The following SLC25A18 variants were observed in gnomAD, a reference collection of about 807,000 sequenced individuals.
SLC25A18 encodes solute carrier family 25 member 18.
A neutral mutation model predicts 31.1 loss-of-function variants in SLC25A18; 24 were observed. That is an observed-to-expected ratio of 0.77 (90% CI 0.56 to 1.08). The LOEUF is 1.08. Ranked by LOEUF, SLC25A18 falls within the 50% of genes least tolerant of loss-of-function variation. The pLI is 0.00. For synonymous variants in SLC25A18, 173 were observed against 161.9 expected (o/e 1.07, Z -0.52); for missense variants, 371 against 418.5 (o/e 0.89, Z 0.99).
At chr22:17,565,069 T>TTTTTG (rs535176571) in intron 1 of SLC25A18, among the ~76,000 whole-genome samples, 137 of 151,834 alleles carry the variant, frequency 9.0e-4, no homozygotes, top group East Asian at 8.6e-3. Flanking sequence ...ACTCATTCTG[T>TTTTTG]TTTTGTTTTG....
At chr22:17,583,075 A>G (rs574563897) in intron 6 of SLC25A18, among the ~76,000 whole-genome samples, 81 of 152,272 alleles carry the variant, frequency 5.3e-4, no homozygotes, top group African/African-American at 1.8e-3. Context: ...ACCTCGTCTC[A>G]GGAAAAACAA....
At chr22:17,584,414 A>AGAAT in intron 7 of SLC25A18, among the ~76,000 whole-genome samples, 1 of 134,708 alleles carries the variant, frequency 7.4e-6, no homozygotes. Flanking sequence ...AAAGAAAGAA[A>AGAAT]GAAAGAAAGA....
intron 2 of SLC25A18, among the ~76,000 whole-genome samples, chr22:17,575,681 C>A (rs1304628807): frequency 6.6e-6 from 1 of 152,198 alleles, no homozygotes; most frequent in Non-Finnish European, 1.5e-5. Context: ...GTGCAACTAA[C>A]CCGGAATAGC....
Position 17,581,152 on chromosome 22 carries a change from A to G in SLC25A18, c.136A>G (p.Lys46Glu), listed in dbSNP as rs2057361255. 6.3e-7 allele frequency: 1 copy of G among 1,597,330 alleles called. No homozygotes were observed. The highest frequency in any genetic ancestry group is 1.3e-5 in the African/African-American group (1 of 74,656). ...GAACCAGCATGGGAAAGCCATGTAC[A>G]AAGGAATGTAGGTGCTGGCAGGCGA... ...LQNQHGKAMY[K>E]GMIDCLMKTA... The change falls in exon 4 of 11, where the codon AAA (lysine) becomes GAA (glutamate). Residue 46 changes from lysine (K) to glutamate (E), a missense_variant. By Grantham distance (56) the Lys-to-Glu change is moderately conservative. Coordinates refer to ENST00000327451, the MANE Select transcript of SLC25A18 (RefSeq NM_031481.3).
intron 6 of SLC25A18, among the ~76,000 whole-genome samples, chr22:17,583,016 A>G (rs1258144135): frequency 6.6e-6 from 1 of 152,064 alleles, no homozygotes; most frequent in Non-Finnish European, 1.5e-5. Flanking sequence ...TCGAGGTTGC[A>G]GTGAGCCATG....
chr22:17,563,891 G>T (rs1311543077), intron 1 of SLC25A18, among the ~76,000 whole-genome samples, 178 bp downstream of exon 1: 1 of 152,208 alleles, frequency 6.6e-6, no homozygotes, highest in Non-Finnish European at 1.5e-5. Flanking sequence ...GCTTAGCTGA[G>T]ATAGCAGATG....
At chr22:17,587,823 C>T in intron 8 of SLC25A18, 102 bp from the exon 9 acceptor site, 1 of 1,461,732 alleles carries the variant, frequency 6.8e-7, no homozygotes, top group Non-Finnish European at 9.4e-7. Flanking sequence ...CGTGGCTCCT[C>T]TCACTGTAAG....
chr22:17,585,857 T>C lies in SLC25A18; in HGVS notation c.410-1279T>C, dbSNP rs557511968. ...TAGTAGAGACAAGGTTTCTCCATGT[T>C]GGTCAGGCTGGTCTTGAACTCCCGA... On this transcript the variant is annotated intron_variant, in intron 7 of 10. Coordinates refer to ENST00000327451, the MANE Select transcript of SLC25A18 (RefSeq NM_031481.3). Among the ~76,000 whole-genome samples the C allele has an allele frequency of 9.9e-5, 15 of 152,118 alleles. No individual in the cohort carries two copies. The East Asian group carries it at 2.9e-3, about 30-fold the overall frequency.
intron 2 of SLC25A18, among the ~76,000 whole-genome samples, chr22:17,573,721 C>T (rs1227021558): frequency 6.6e-6 from 1 of 152,166 alleles, no homozygotes; most frequent in Non-Finnish European, 1.5e-5. Flanking sequence ...AGAGCTGAGA[C>T]AGCTCCATGG....
chr22:17,589,752 A>G, intron 10 of SLC25A18, 87 bp downstream of exon 10: 2 of 1,252,834 alleles, frequency 1.6e-6, no homozygotes, highest in Non-Finnish European at 2.3e-6. Flanking sequence ...GACCAACTTG[A>G]ATTGCTGGGC....
intron 2 of SLC25A18, among the ~76,000 whole-genome samples, chr22:17,572,545 G>C (rs1267369340): frequency 3.3e-5 from 5 of 151,524 alleles, no homozygotes; most frequent in Non-Finnish European, 7.4e-5. Flanking sequence ...TGTAATCCCA[G>C]CACTTTGAGT....
chr22:17,589,625 C>T lies in SLC25A18; in HGVS notation c.766C>T (p.Leu256=), dbSNP rs1163645141. 6.2e-7 allele frequency: 1 copy of T among 1,613,998 alleles called. No individual in the cohort carries two copies. Among genetic ancestry groups the T allele is most frequent in the African/African-American group, 1.3e-5 (1 of 74,904 alleles). The change falls in exon 10 of 11, where the codon CTG becomes TTG. Residue 256 remains leucine, a synonymous_variant. Coordinates refer to ENST00000327451, the MANE Select transcript of SLC25A18 (RefSeq NM_031481.3). The part of the protein sequence containing the change: ...KTRIQTLKKG[L]GEDMYSGITD... ...TCGAATCCAAACCCTCAAGAAAGGCCTGGGCGAGGACATGTACAGTGGGAT... is the reference window on the plus strand; with the variant it reads ...TCGAATCCAAACCCTCAAGAAAGGCTTGGGCGAGGACATGTACAGTGGGAT...
intron 2 of SLC25A18, among the ~76,000 whole-genome samples, chr22:17,576,710 C>T (rs1394748727): frequency 6.6e-6 from 1 of 152,118 alleles, no homozygotes; most frequent in Non-Finnish European, 1.5e-5. Flanking sequence ...CATAGGCCTG[C>T]GAAAGGGAAC....
At chr22:17,566,340 A>G (rs1262265644) in intron 1 of SLC25A18, among the ~76,000 whole-genome samples, 2 of 151,616 alleles carry the variant, frequency 1.3e-5, no homozygotes, top group South Asian at 2.1e-4. Flanking sequence ...GGCGTGTTTA[A>G]TCACCCACCA....
chr22:17,571,668 C>T (rs1018175418), intron 2 of SLC25A18, among the ~76,000 whole-genome samples: 2 of 150,634 alleles, frequency 1.3e-5, no homozygotes, highest in Admixed American at 1.3e-4. Flanking sequence ...TGAGGCAGAA[C>T]TGTTTGAACC....
At chr22:17,570,123 G>C in intron 2 of SLC25A18, 137 bp downstream of exon 2, 1 of 577,254 alleles carries the variant, frequency 1.7e-6, no homozygotes, top group Non-Finnish European at 2.2e-6. Context: ...AGAGTCAGAA[G>C]GGGTGGGCAC....
At chr22:17,582,363 G>A (rs1162158973) in intron 5 of SLC25A18, 200 bp from the exon 6 acceptor site, 8 of 457,720 alleles carry the variant, frequency 1.7e-5, no homozygotes, top group South Asian at 3.4e-5. Context: ...GCGACAGAGC[G>A]AGACTCCATC....
At chr22:17,577,603 T>A (rs1487762116) in intron 2 of SLC25A18, among the ~76,000 whole-genome samples, 2 of 136,338 alleles carry the variant, frequency 1.5e-5, no homozygotes, top group Non-Finnish European at 3.1e-5. Context: ...TTTTTTGAGA[T>A]GGAGGCTCGC....
chr22:17,590,277 TCTAG>T lies in SLC25A18; in HGVS notation c.*44_*47del. ...AAGTCCCTGCGCTTGCCGCCCTCTC[TCTAG>T]CTGTTTCACTTAGCCTAGAGGGGGC... On this transcript the variant is annotated 3_prime_UTR_variant, in exon 11 of 11. Coordinates refer to ENST00000327451, the MANE Select transcript of SLC25A18 (RefSeq NM_031481.3). 6.2e-7 allele frequency: 1 copy of T among 1,612,846 alleles called. No individual in the cohort carries two copies. Among genetic ancestry groups the T allele is most frequent in the Non-Finnish European group, 8.5e-7 (1 of 1,179,226 alleles).
Sources: gnomAD v4.1 joint callset for allele counts (sites outside exome capture counted in the v4.1 genomes callset) on GRCh38, gnomAD v4.1.1 for gene constraint, MANE v1.5 for transcripts, NCBI Gene and HGNC (gene_info 2026-07-23, HGNC 2026-07-21) for gene names.